The following RARB variants were observed in gnomAD, a reference collection of about 807,000 sequenced individuals.
The protein encoded by RARB is HBV-activated protein.
RARB carries 17 observed loss-of-function variants against 51.9 expected under a neutral mutation model. The observed-to-expected ratio is 0.33, with a 90% CI of 0.22 to 0.49. The LOEUF is 0.49. Among genes scored for constraint, RARB ranks in the 20% least tolerant of loss-of-function variants. RARB has a pLI of 0.99. For missense variants in RARB, 369 were observed against 550.8 expected, an observed-to-expected ratio of 0.67 and a Z score of 3.30; for synonymous variants, 215 against 195.4, an observed-to-expected ratio of 1.10 and a Z score of -0.84.
intron 5 of RARB, among the ~76,000 whole-genome samples, chr3:25,202,557 G>C (rs147690223): frequency 0.14 from 21,163 of 152,030 alleles, 1,622 homozygotes; most frequent in Non-Finnish European, 0.17. Flanking sequence ...TTCCTGCTTT[G>C]TCTTGCGGGC....
chr3:25,081,811 T>G lies in RARB; in HGVS notation c.-328+21635T>G, dbSNP rs553638357. The stretch of plus-strand genomic sequence containing the variant: ...GCTCGCCCAGCTAATTTTTGTACTT[T>G]CAGTAGAGATGGGGTTTCACCATGT... On this transcript the variant is annotated intron_variant, in intron 3 of 11. Coordinates refer to the RARB transcript ENST00000383772. Among the ~76,000 whole-genome samples, 66 of 150,372 alleles carry G rather than the reference T, an allele frequency of 4.4e-4. No individual in the cohort carries two copies. In the South Asian group the frequency reaches 0.013, roughly 30 times the overall value.
chr3:24,880,581 G>A (rs1435029571), intron 2 of RARB, among the ~76,000 whole-genome samples: 1 of 152,118 alleles, frequency 6.6e-6, no homozygotes, highest in African/African-American at 2.4e-5. Flanking sequence ...CTCAACATGG[G>A]TTGTGAATAC....
chr3:25,413,358 T>C, intron 5 of RARB, among the ~76,000 whole-genome samples: 1 of 152,234 alleles, frequency 6.6e-6, no homozygotes, highest in Non-Finnish European at 1.5e-5. Flanking sequence ...ATATATCACA[T>C]TTTTTATCCA....
chr3:25,440,856 A>G (rs1708644450), intron 1 of RARB, among the ~76,000 whole-genome samples: 1 of 152,216 alleles, frequency 6.6e-6, no homozygotes, highest in Non-Finnish European at 1.5e-5. Flanking sequence ...ATTATTATAA[A>G]GTTGAACTAC....
chr3:25,590,786 C>A (rs772601818), intron 5 of RARB, among the ~76,000 whole-genome samples: 3 of 152,208 alleles, frequency 2.0e-5, no homozygotes, highest in Non-Finnish European at 2.9e-5. Flanking sequence ...TCCCAAAGTG[C>A]TAACTTTGAC....
chr3:25,218,289 C>T (rs1301959221), intron 5 of RARB, among the ~76,000 whole-genome samples: 3 of 152,006 alleles, frequency 2.0e-5, no homozygotes, highest in Admixed American at 6.6e-5. Flanking sequence ...CAGCCTTGCG[C>T]CCCCACCCAG....
At chr3:25,222,321 C>CAGA (rs984859526) in intron 5 of RARB, among the ~76,000 whole-genome samples, 88 of 152,288 alleles carry the variant, frequency 5.8e-4, no homozygotes, top group African/African-American at 2.1e-3. Flanking sequence ...CCCCTAAACT[C>CAGA]TTCTAAGTTT....
At chr3:25,368,581 A>G (rs1209383568) in intron 5 of RARB, among the ~76,000 whole-genome samples, 1 of 152,248 alleles carries the variant, frequency 6.6e-6, no homozygotes, top group Non-Finnish European at 1.5e-5. Flanking sequence ...GTAAGGAATT[A>G]TACATGTTTT....
intron 5 of RARB, among the ~76,000 whole-genome samples, chr3:25,186,885 CTGTGTGTGTG>C (rs71057702): frequency 0.01 from 1,144 of 114,268 alleles, 11 homozygotes; most frequent in South Asian, 0.033. Flanking sequence ...AAAGGTAAGC[CTGTGTGTGTG>C]TGTGTGTGTG....
chr3:25,381,083 T>G (rs1706610780), intron 5 of RARB, among the ~76,000 whole-genome samples: 1 of 152,206 alleles, frequency 6.6e-6, no homozygotes, highest in African/African-American at 2.4e-5. Context: ...TCTGCATTCC[T>G]TGTAAAATAA....
chr3:25,105,801 A>G (rs1322924533), intron 3 of RARB, among the ~76,000 whole-genome samples: 1 of 152,220 alleles, frequency 6.6e-6, no homozygotes, highest in African/African-American at 2.4e-5. Flanking sequence ...AAAGAAAATC[A>G]TAACCACTTT....
At chr3:25,330,936 A>G (rs998174963) in intron 5 of RARB, among the ~76,000 whole-genome samples, 1 of 152,254 alleles carries the variant, frequency 6.6e-6, no homozygotes, top group African/African-American at 2.4e-5. Context: ...GAAGGCCATT[A>G]CATAATGGTG....
chr3:24,973,552 T>C (rs888329970), intron 2 of RARB, among the ~76,000 whole-genome samples: 1 of 152,058 alleles, frequency 6.6e-6, no homozygotes, highest in Non-Finnish European at 1.5e-5. Context: ...CTGCTTTGTT[T>C]AGTAGTCTCA....
chr3:25,440,614 TACA>T (rs200304226), intron 1 of RARB, among the ~76,000 whole-genome samples: 1,684 of 151,906 alleles, frequency 0.011, 26 homozygotes, highest in African/African-American at 0.038. Flanking sequence ...CTACTAAAAA[TACA>T]ACAATTAGCT....
chr3:25,138,886 G>T (rs764409543), intron 4 of RARB, among the ~76,000 whole-genome samples: 2 of 152,110 alleles, frequency 1.3e-5, no homozygotes, highest in African/African-American at 2.4e-5. Context: ...TGTTGATCAA[G>T]TCTGTTAGCA....
intron 4 of RARB, among the ~76,000 whole-genome samples, chr3:25,154,683 C>T (rs1700346163): frequency 6.6e-6 from 1 of 152,174 alleles, no homozygotes; most frequent in Admixed American, 6.5e-5. Flanking sequence ...CATCCAGATC[C>T]TTCCTTTCCA....
At chr3:25,576,371 G>T (rs111668784) in intron 4 of RARB, among the ~76,000 whole-genome samples, 81 of 152,316 alleles carry the variant, frequency 5.3e-4, no homozygotes, top group African/African-American at 1.9e-3. Context: ...TGCAGCTCCA[G>T]AAGGCATTCG....
chr3:25,173,840 G>A (rs1177475190), intron 4 of RARB, among the ~76,000 whole-genome samples: 1 of 152,180 alleles, frequency 6.6e-6, no homozygotes, highest in Non-Finnish European at 1.5e-5. Context: ...TCGTTTAACT[G>A]CCATGGAGAA....
chr3:25,047,980 C>T (rs1698251945), intron 2 of RARB, among the ~76,000 whole-genome samples: 1 of 152,142 alleles, frequency 6.6e-6, no homozygotes, highest in Admixed American at 6.5e-5. Context: ...CTCATGAGAT[C>T]TGATGGTTTC....
Sources: allele counts gnomAD v4.1 joint callset (sites outside exome capture counted in the v4.1 genomes callset), GRCh38; gene constraint gnomAD v4.1.1; transcripts MANE v1.5; gene names NCBI Gene and HGNC (gene_info 2026-07-23, HGNC 2026-07-21).